WDR31: variants seen among roughly 807,000 people sequenced by gnomAD.
The protein encoded by WDR31 is WD repeat domain 31, also known as WD repeat-containing protein 31.
In WDR31, 30 loss-of-function variants were observed where a neutral mutation model predicts 47.3. The ratio of observed to expected loss-of-function variants is 0.63; its 90% CI spans 0.47 to 0.86. WDR31 has a LOEUF of 0.86. Ranked by LOEUF, WDR31 falls within the 40% of genes least tolerant of loss-of-function variation. The pLI is 0.00. For synonymous variants in WDR31, 137 were observed against 159.4 expected (o/e 0.86, Z 1.06); for missense variants, 406 against 442.9 (o/e 0.92, Z 0.75).
At chr9:113,339,455 T>G (rs1833782944) in intron 1 of WDR31, among the ~76,000 whole-genome samples, 1 of 152,164 alleles carries the variant, frequency 6.6e-6, no homozygotes, top group Non-Finnish European at 1.5e-5. Flanking sequence ...CCAAGGCATC[T>G]TTAGTCGCCA....
intron 9 of WDR31, among the ~76,000 whole-genome samples, chr9:113,319,060 C>T (rs1833272017): frequency 6.6e-6 from 1 of 152,082 alleles, no homozygotes; most frequent in Non-Finnish European, 1.5e-5. Context: ...CCTGTGGGGA[C>T]CCCGTAGTTA....
chr9:113,333,770 C>T (rs1320818002), intron 2 of WDR31, among the ~76,000 whole-genome samples: 3 of 151,986 alleles, frequency 2.0e-5, no homozygotes, highest in Non-Finnish European at 4.4e-5. Flanking sequence ...GAAATAATGC[C>T]ACTAAATGAG....
chr9:113,332,427 A>T (rs867173978), intron 2 of WDR31, among the ~76,000 whole-genome samples: 15 of 152,228 alleles, frequency 9.9e-5, no homozygotes, highest in African/African-American at 3.4e-4. Flanking sequence ...GAGAAACATC[A>T]TGTGGTCAAT....
At chr9:113,326,642 T>C (rs1358324850) in intron 5 of WDR31, among the ~76,000 whole-genome samples, 1 of 152,142 alleles carries the variant, frequency 6.6e-6, no homozygotes, top group African/African-American at 2.4e-5. Flanking sequence ...AATATATTTG[T>C]ATTTTTATTT....
At chr9:113,317,274 G>A (rs1320833250) in intron 10 of WDR31, among the ~76,000 whole-genome samples, 1 of 152,152 alleles carries the variant, frequency 6.6e-6, no homozygotes, top group Non-Finnish European at 1.5e-5. Flanking sequence ...GGCTTCCTGG[G>A]GTCTTGATGC....
intron 1 of WDR31, among the ~76,000 whole-genome samples, chr9:113,339,173 TAGTCAC>T (rs1209318721): frequency 1.3e-5 from 2 of 152,178 alleles, no homozygotes; most frequent in Non-Finnish European, 2.9e-5. Flanking sequence ...GGATATCCAG[TAGTCAC>T]TCTAAACCAC....
chr9:113,325,881 AT>A (rs1212656678), intron 5 of WDR31, among the ~76,000 whole-genome samples: 1 of 151,446 alleles, frequency 6.6e-6, no homozygotes, highest in Non-Finnish European at 1.5e-5. Context: ...CATTGGCTTT[AT>A]TATTCATCAT....
At chr9:113,339,810 G>C (rs1833792048) in intron 1 of WDR31, among the ~76,000 whole-genome samples, 1 of 152,146 alleles carries the variant, frequency 6.6e-6, no homozygotes, top group Admixed American at 6.5e-5. Flanking sequence ...GCGCGATCTC[G>C]GCTCACTGCA....
At chr9:113,327,002 AT>A (rs1480166728) in intron 5 of WDR31, among the ~76,000 whole-genome samples, 3 of 149,506 alleles carry the variant, frequency 2.0e-5, no homozygotes, top group Non-Finnish European at 4.4e-5. Context: ...CATCCAACTA[AT>A]TTTTTAATTT....
Position 113,318,479 on chromosome 9 carries a change from A to C in WDR31, c.939T>G (p.Thr313=). 6.2e-7 allele frequency: 1 copy of C among 1,614,196 alleles called. No homozygotes were observed. The highest frequency in any genetic ancestry group is 1.6e-4 in the Middle Eastern group (1 of 6,062). The change falls in exon 10 of 11, where the codon ACT becomes ACG. Residue 313 remains threonine (T), a synonymous_variant. Transcript: ENST00000374193. Reference sequence around the variant, plus strand: ...AACTAACAGCAGGCTGCTTACCTCCAGTATCTTGGTTCCAAATCTTCACCT... The same window carrying C: ...AACTAACAGCAGGCTGCTTACCTCCCGTATCTTGGTTCCAAATCTTCACCT... The part of the protein sequence containing the change: ...DCKVKIWNQD[T]GACLFTLSLD...
Position 113,316,733 on chromosome 9 carries a change from T to G in WDR31, c.*16A>C. 6.2e-7 allele frequency: 1 copy of G among 1,611,210 alleles called. No homozygotes were observed. Among genetic ancestry groups the G allele is most frequent in the South Asian group, 1.1e-5 (1 of 90,560 alleles). On this transcript the variant is annotated 3_prime_UTR_variant, in exon 11 of 11. Coordinates refer to ENST00000374193, the MANE Select transcript of WDR31 (RefSeq NM_001012361.4). ...GGAGCCATGGTTTGATATTGTCCAG[T>G]GAGTGTCTCTTGGCCTCAGAATGCT...
chr9:113,327,368 A>C (rs1329810431), intron 5 of WDR31, among the ~76,000 whole-genome samples: 1 of 152,040 alleles, frequency 6.6e-6, no homozygotes. Context: ...GGATAAGTCC[A>C]ATTTTTGGCA....
intron 5 of WDR31, among the ~76,000 whole-genome samples, chr9:113,326,293 T>C (rs12350332): frequency 0.022 from 3,375 of 152,334 alleles, 130 homozygotes; most frequent in African/African-American, 0.076. Flanking sequence ...AATTTAAGAA[T>C]GTCTTCCCAT....
At position 113,314,434 on chromosome 9, in the gene WDR31, C is replaced by G. The variant is rs544454160; in HGVS notation, c.*2315G>C. The G allele has an allele frequency of 6.6e-6, 1 of 151,590 alleles. No homozygotes were observed. The highest frequency in any genetic ancestry group is 2.1e-4 in the South Asian group (1 of 4,788). The allele number at this position is 151,590 out of a possible 1,614,324, so 9.4% of individuals were successfully genotyped here. ...TTCACCATATTGGCCAGGATGGTCT[C>G]GATCTCTTGACCTTGTGATCTGCCC... is the stretch of plus-strand genomic sequence containing the variant. On this transcript the variant is annotated 3_prime_UTR_variant, in exon 11 of 11. Coordinates refer to ENST00000374193, the MANE Select transcript of WDR31 (RefSeq NM_001012361.4).
At chr9:113,340,072 GAA>G (rs1331087418) in intron 1 of WDR31, 143 bp downstream of exon 1, 1 of 152,274 alleles carries the variant, frequency 6.6e-6, no homozygotes, top group East Asian at 1.9e-4. Flanking sequence ...AAAGCGGGGA[GAA>G]GAGTCCCCGA....
In WDR31 at chr9:113,313,534, G is replaced by A. The variant is rs1833121509; in HGVS notation, c.*3215C>T. The stretch of plus-strand genomic sequence containing the variant: ...AACTGGTCTTGAAGATACAAACAAT[G>A]TCATGGTCTATGACTTTGTGACACG... On this transcript the variant is annotated 3_prime_UTR_variant, in exon 11 of 11. Coordinates refer to ENST00000374193, the MANE Select transcript of WDR31 (RefSeq NM_001012361.4). The A allele has an allele frequency of 6.6e-6, 1 of 152,216 alleles. No homozygotes were observed. Among genetic ancestry groups the A allele is most frequent in the Non-Finnish European group, 1.5e-5 (1 of 68,050 alleles). The allele number at this position is 152,216 out of a possible 1,614,324, so 9.4% of individuals were successfully genotyped here.
intron 1 of WDR31, among the ~76,000 whole-genome samples, chr9:113,336,984 A>C (rs898326949): frequency 1.3e-5 from 2 of 152,260 alleles, no homozygotes; most frequent in Admixed American, 1.3e-4. Flanking sequence ...AAATGTCTAC[A>C]AAGAATAAAC....
chr9:113,339,457 T>C (rs1042317928), intron 1 of WDR31, among the ~76,000 whole-genome samples: 6 of 152,182 alleles, frequency 3.9e-5, no homozygotes, highest in Non-Finnish European at 1.5e-5. Context: ...AAGGCATCTT[T>C]AGTCGCCAAA....
chr9:113,323,970 T>C (rs1208720623), intron 5 of WDR31, among the ~76,000 whole-genome samples: 2 of 152,246 alleles, frequency 1.3e-5, no homozygotes, highest in African/African-American at 4.8e-5. Context: ...TTTGTTTACA[T>C]TTGCCTGATA....
Sources: allele counts gnomAD v4.1 joint callset (sites outside exome capture counted in the v4.1 genomes callset), GRCh38; gene constraint gnomAD v4.1.1; transcripts MANE v1.5; gene names NCBI Gene and HGNC (gene_info 2026-07-23, HGNC 2026-07-21).